FER1L5: variants seen among roughly 807,000 people sequenced by gnomAD.
The protein encoded by FER1L5 is fer-1-like protein 5.
FER1L5 carries 187 observed loss-of-function variants against 279.9 expected under a neutral mutation model. The observed-to-expected ratio is 0.67, with a 90% CI of 0.59 to 0.75. The LOEUF (loss-of-function observed/expected upper bound fraction) is 0.75. Ranked by LOEUF, FER1L5 falls within the 30% of genes least tolerant of loss-of-function variation. FER1L5 has a pLI of 0.00. For missense variants in FER1L5, 2,091 were observed against 2,594.4 expected, an observed-to-expected ratio of 0.81 and a Z score of 4.21; for synonymous variants, 921 against 989.7, an observed-to-expected ratio of 0.93 and a Z score of 1.30.
At chr2:96,704,436 AC>A in intron 52 of FER1L5, 31 bp from the exon 53 acceptor site, 1 of 1,612,888 alleles carries the variant, frequency 6.2e-7, no homozygotes. Flanking sequence ...TCAGCTTGCC[AC>A]CCCAGGCTAA....
Position 96,703,338 on chromosome 2 carries a change from C to CGCTTGTCGGTAGGA in FER1L5, c.5687_5691+9dup. ...CCAGGTCCTCGATGGTGGCAAATGG[C>CGCTTGTCGGTAGGA]GCTTGTCGGTAGGAGCTGGGGAGTG... On this transcript the variant is annotated frameshift_variant, in exon 50 of 53. Coordinates refer to ENST00000624922, the MANE Select transcript of FER1L5 (RefSeq NM_001293083.2). LOFTEE classifies it high-confidence loss of function. 4.4e-6 allele frequency: 7 copies of CGCTTGTCGGTAGGA among 1,609,114 alleles called. No homozygotes were observed. In the South Asian group the frequency reaches 7.8e-5, roughly 18 times the overall value.
At chr2:96,665,609 T>C (rs1283493383) in intron 14 of FER1L5, among the ~76,000 whole-genome samples, 1 of 151,956 alleles carries the variant, frequency 6.6e-6, no homozygotes, top group Non-Finnish European at 1.5e-5. Flanking sequence ...GTTCATCTTT[T>C]TTTTTTTTTT....
chr2:96,695,964 G>A (rs2077361015), intron 36 of FER1L5, 60 bp downstream of exon 36: 1 of 1,606,402 alleles, frequency 6.2e-7, no homozygotes, highest in Admixed American at 1.7e-5. Flanking sequence ...ACTGGGAGTG[G>A]GGCAGGCCCT....
At chr2:96,661,978 G>C (rs558839774) in intron 12 of FER1L5, among the ~76,000 whole-genome samples, 187 bp downstream of exon 12, 1 of 152,118 alleles carries the variant, frequency 6.6e-6, no homozygotes, top group African/African-American at 2.4e-5. Flanking sequence ...TTTCAAACGG[G>C]TCTCACACCC....
At chr2:96,693,371 G>A in intron 31 of FER1L5, 135 bp from the exon 32 acceptor site, 1 of 782,734 alleles carries the variant, frequency 1.3e-6, no homozygotes, top group Non-Finnish European at 2.0e-6. Flanking sequence ...CTCTGAGGGG[G>A]CCTCTGGGAG....
chr2:96,659,631 A>G (rs2106515690), intron 9 of FER1L5, among the ~76,000 whole-genome samples: 1 of 150,512 alleles, frequency 6.6e-6, no homozygotes, highest in East Asian at 2.0e-4. Flanking sequence ...AGCTGAGACT[A>G]CAGGGGCCCG....
At position 96,699,144 on chromosome 2, in the gene FER1L5, GC is replaced by G; in HGVS notation, c.4610+12del. The G allele has an allele frequency of 6.2e-7, 1 of 1,601,546 alleles. No homozygotes were observed. ...GGATCCCATCTTTGGCATGTGAGCT[GC>G]CCCAACCCCCAAGACCCCTTCTCCA... On this transcript the variant is annotated intron_variant, in intron 42 of 52. Coordinates refer to ENST00000624922, the MANE Select transcript of FER1L5 (RefSeq NM_001293083.2).
At chr2:96,680,417 C>G (rs555654858) in intron 19 of FER1L5, among the ~76,000 whole-genome samples, 1 of 152,162 alleles carries the variant, frequency 6.6e-6, no homozygotes, top group African/African-American at 2.4e-5. Context: ...CCGGAACTCA[C>G]TCTGTCCTCT....
chr2:96,692,097 T>C lies in FER1L5; in HGVS notation c.3215-7T>C. 1 of 1,551,390 alleles carries C rather than the reference T, an allele frequency of 6.4e-7. No individual in the cohort carries two copies. The highest frequency in any genetic ancestry group is 8.7e-7 in the Non-Finnish European group (1 of 1,146,884). Reference sequence around the variant, plus strand: ...GCAGGTGACAGGCATGGCTTCTCTTTCCCCAGAGCCCCACTACTACCAGCT... The same window carrying C: ...GCAGGTGACAGGCATGGCTTCTCTTCCCCCAGAGCCCCACTACTACCAGCT... On this transcript the variant is annotated splice_region_variant and splice_polypyrimidine_tract_variant and intron_variant, in intron 30 of 52. Coordinates refer to ENST00000624922, the MANE Select transcript of FER1L5 (RefSeq NM_001293083.2).
chr2:96,700,596 C>A, intron 45 of FER1L5, 125 bp downstream of exon 45: 3 of 1,274,886 alleles, frequency 2.4e-6, no homozygotes, highest in South Asian at 1.3e-5. Flanking sequence ...TAGTAATGTA[C>A]ATGCACAGAA....
chr2:96,642,996 T>C, intron 1 of FER1L5, 75 bp downstream of exon 1: 1 of 1,289,810 alleles, frequency 7.8e-7, no homozygotes, highest in Non-Finnish European at 1.1e-6. Context: ...AAAAGAGGTG[T>C]ATGGCACCCC....
intron 9 of FER1L5, 62 bp downstream of exon 9, chr2:96,654,558 G>T: frequency 2.5e-6 from 1 of 398,488 alleles, no homozygotes; most frequent in Non-Finnish European, 4.4e-6. Context: ...ACCCATGCTG[G>T]GCTCCATGCC....
intron 4 of FER1L5, among the ~76,000 whole-genome samples, chr2:96,648,581 C>T (rs572443685): frequency 2.0e-5 from 3 of 152,240 alleles, no homozygotes; most frequent in African/African-American, 7.2e-5. Flanking sequence ...AGGCAGCTGC[C>T]AGTTATTAAT....
chr2:96,649,659 C>T lies in FER1L5; in HGVS notation c.376C>T (p.Gln126Ter). The T allele has an allele frequency of 6.4e-7, 1 of 1,551,584 alleles. No homozygotes were observed. Among genetic ancestry groups the T allele is most frequent in the African/African-American group, 1.4e-5 (1 of 73,172 alleles). ...VTLQVAHMSN[Q>*]DIEKTGAEDH... ...CCTACAGGTGGCCCACATGAGCAAC[C>T]AGGATATTGAGAAGACAGGTATGTC... Residue 126 changes from glutamine to a stop codon, truncating the protein, a stop_gained, in exon 5 of 53, where the codon CAG becomes TAG. Coordinates refer to ENST00000624922, the MANE Select transcript of FER1L5 (RefSeq NM_001293083.2). LOFTEE classifies it high-confidence loss of function.
intron 19 of FER1L5, among the ~76,000 whole-genome samples, chr2:96,682,113 G>A (rs2076752439): frequency 6.6e-6 from 1 of 150,376 alleles, no homozygotes; most frequent in Non-Finnish European, 1.5e-5. Flanking sequence ...TCGAGGTGGA[G>A]TCTGGCTCTG....
chr2:96,680,908 T>A (rs2076698141), intron 19 of FER1L5, among the ~76,000 whole-genome samples: 1 of 152,182 alleles, frequency 6.6e-6, no homozygotes, highest in South Asian at 2.1e-4. Context: ...AACACTTTGC[T>A]TAACTACAGC....
At position 96,704,772 on chromosome 2, in the gene FER1L5, T is replaced by C. The variant is rs2077725508; in HGVS notation, c.*80T>C. On this transcript the variant is annotated 3_prime_UTR_variant, in exon 53 of 53. Coordinates refer to ENST00000624922, the MANE Select transcript of FER1L5 (RefSeq NM_001293083.2). ...GGCTACCAGTTCTTTGTTTCTATCT[T>C]CTAGAATATATGCAAGATGCTAGGA... The C allele has an allele frequency of 2.8e-6, 3 of 1,078,068 alleles. No individual in the cohort carries two copies. Among genetic ancestry groups the C allele is most frequent in the Admixed American group, 4.0e-5 (2 of 49,736 alleles). The allele number at this position is 1,078,068 out of a possible 1,614,324, so 66.8% of individuals were successfully genotyped here. A position where few individuals can be genotyped will look rare whatever the true frequency, so the allele number is the denominator to read the frequency against.
At chr2:96,690,642 C>T (rs1428067391) in intron 27 of FER1L5, 53 bp downstream of exon 27, 25 of 1,481,786 alleles carry the variant, frequency 1.7e-5, no homozygotes, top group Middle Eastern at 1.7e-4. Context: ...CTCAAAATAA[C>T]GGCAGCCAGC....
intron 5 of FER1L5, 29 bp downstream of exon 5, chr2:96,649,706 A>G: frequency 6.4e-7 from 1 of 1,550,566 alleles, no homozygotes; most frequent in South Asian, 1.2e-5. Context: ...CTTACCCTTA[A>G]GGGCCTACCC....
Sources: allele counts gnomAD v4.1 joint callset (sites outside exome capture counted in the v4.1 genomes callset), GRCh38; gene constraint gnomAD v4.1.1; transcripts MANE v1.5; gene names NCBI Gene and HGNC (gene_info 2026-07-23, HGNC 2026-07-21).